KIF13B: variants seen among roughly 807,000 people sequenced by gnomAD.
KIF13B encodes the protein kinesin-like protein KIF13B.
In KIF13B, 127 loss-of-function variants were observed where a neutral mutation model predicts 222.0. The ratio of observed to expected loss-of-function variants is 0.57; its 90% CI spans 0.50 to 0.66. The LOEUF is 0.66. Among genes scored for constraint, KIF13B ranks in the 30% least tolerant of loss-of-function variants. The pLI, the probability that KIF13B is intolerant of heterozygous loss-of-function variation, is 0.00. For synonymous variants in KIF13B, 976 were observed against 919.0 expected (o/e 1.06, Z -1.12); for missense variants, 2,173 against 2,379.0 (o/e 0.91, Z 1.80).
At chr8:29,101,650 G>A (rs1256488524) in intron 35 of KIF13B, among the ~76,000 whole-genome samples, 2 of 152,158 alleles carry the variant, frequency 1.3e-5, no homozygotes, top group African/African-American at 2.4e-5. Flanking sequence ...GCCCTGCAGA[G>A]CGTGACAAAC....
Position 29,071,466 on chromosome 8 carries a change from C to A in KIF13B, c.5218+154G>T, listed in dbSNP as rs1807270296. 1.3e-5 allele frequency among the ~76,000 whole-genome samples: 2 copies of A among 152,274 alleles called. No homozygotes were observed. The highest frequency in any genetic ancestry group is 2.9e-5 in the Non-Finnish European group (2 of 68,016). ...GACTAGCCCTGCCCCCAGCCTCACC[C>A]CTGCAGGCCCAGCCGCTCCCGCAGC... On this transcript the variant is annotated intron_variant, in intron 39 of 39. Coordinates refer to ENST00000524189, the MANE Select transcript of KIF13B (RefSeq NM_015254.4). This position sits in a 1 kb window ranked among gnomAD's most constrained non-coding sequence, Gnocchi z 4.9.
At chr8:29,248,389 G>T (rs1171531601) in intron 1 of KIF13B, among the ~76,000 whole-genome samples, 2 of 152,158 alleles carry the variant, frequency 1.3e-5, no homozygotes, top group Non-Finnish European at 2.9e-5. Context: ...TTTTCACACT[G>T]CGATAAAGAT....
At position 29,228,472 on chromosome 8, in the gene KIF13B, A is replaced by AAAAAAATAT; in HGVS notation, c.149+16873_149+16874insATATTTTTT. On this transcript the variant is annotated intron_variant, in intron 2 of 39. Transcript: ENST00000524189. ...ACAGAGCCAGACTCCATCTTAAAAA[A>AAAAAAATAT]ATATATATATATATATATGAGATAC... is the stretch of plus-strand genomic sequence containing the variant. Among the ~76,000 whole-genome samples the AAAAAAATAT allele has an allele frequency of 1.3e-3, 154 of 117,086 alleles. 8 individuals carry two copies. Among genetic ancestry groups the AAAAAAATAT allele is most frequent in the African/African-American group, 4.3e-3 (132 of 30,730 alleles). 76.8% of individuals were successfully genotyped at this position (117,086 alleles called of 152,430 possible).
In KIF13B at chr8:29,071,500, A is replaced by G; in HGVS notation, c.5218+120T>C. On this transcript the variant is annotated intron_variant, in intron 39 of 39. Coordinates refer to ENST00000524189, the MANE Select transcript of KIF13B (RefSeq NM_015254.4). The surrounding 1 kb of genome is among the most constrained non-coding windows in gnomAD (Gnocchi z 4.9). Reference sequence around the variant, plus strand: ...CCAGCCGCTCCCGCAGCTTCAGCCAAGCCGCTGCCTCCCGGCCCCTCCCTC... The same window carrying G: ...CCAGCCGCTCCCGCAGCTTCAGCCAGGCCGCTGCCTCCCGGCCCCTCCCTC... 1.1e-6 allele frequency: 1 copy of G among 893,000 alleles called. No homozygotes were observed. Among genetic ancestry groups the G allele is most frequent in the Non-Finnish European group, 1.7e-6 (1 of 582,768 alleles). The allele number at this position is 893,000 out of a possible 1,614,324, so 55.3% of individuals were successfully genotyped here.
At chr8:29,166,862 A>G (rs1812023906) in intron 11 of KIF13B, among the ~76,000 whole-genome samples, 1 of 152,228 alleles carries the variant, frequency 6.6e-6, no homozygotes, top group Admixed American at 6.5e-5. Flanking sequence ...GCTGTAATAG[A>G]GTACCACTAA....
Position 29,147,503 on chromosome 8 carries a change from T to C in KIF13B, c.1913A>G (p.Glu638Gly). The C allele has an allele frequency of 6.2e-7, 1 of 1,613,734 alleles. No individual in the cohort carries two copies. Among genetic ancestry groups the C allele is most frequent in the Non-Finnish European group, 8.5e-7 (1 of 1,179,804 alleles). ...AGGAGACAGCCTTCTCCGGAGCTGC[T>C]CCAATTCGTGCTCATACATAAGCCT... ...RQRLMYEHEL[E>G]QLRRRLSPEK... The change falls in exon 17 of 40, where the codon GAG (glutamate) becomes GGG (glycine). Residue 638 changes from glutamate (E) to glycine (G), a missense_variant. By Grantham distance (98) the Glu-to-Gly change is moderately conservative. This residue lies in a region of KIF13B where 1,480 missense variants were observed against 1,722.8 expected (regional missense o/e 0.86). Coordinates refer to ENST00000524189, the MANE Select transcript of KIF13B (RefSeq NM_015254.4).
rs28561599 is a variant in KIF13B at position 29,257,461 on chromosome 8, T to A, written c.55+5519A>T. 8.0e-3 allele frequency among the ~76,000 whole-genome samples: 1,215 copies of A among 152,338 alleles called. 12 individuals carry two copies. The highest frequency in any genetic ancestry group is 0.028 in the African/African-American group (1,149 of 41,566). ...AATCCATCTCCTTAATTAATAGTTTTGTCAGTGGTTTCTTCCATTTTCAGC... is the reference window on the plus strand; with the variant it reads ...AATCCATCTCCTTAATTAATAGTTTAGTCAGTGGTTTCTTCCATTTTCAGC... On this transcript the variant is annotated intron_variant, in intron 1 of 39. Coordinates refer to ENST00000524189, the MANE Select transcript of KIF13B (RefSeq NM_015254.4).
intron 21 of KIF13B, among the ~76,000 whole-genome samples, chr8:29,138,815 A>G (rs1245880413): frequency 6.6e-6 from 1 of 152,248 alleles, no homozygotes; most frequent in African/African-American, 2.4e-5. Flanking sequence ...AGCGAGTGAG[A>G]GAGCACGAGC....
At chr8:29,189,956 G>A (rs751368834) in intron 4 of KIF13B, 2 of 152,244 alleles carry the variant, frequency 1.3e-5, no homozygotes, top group Non-Finnish European at 2.9e-5. Context: ...ACACGGGAGG[G>A]TGTTGTCTGT....
At chr8:29,124,191 A>G (rs1250754515) in intron 26 of KIF13B, 68 bp from the exon 27 acceptor site, 1 of 929,780 alleles carries the variant, frequency 1.1e-6, no homozygotes, top group Non-Finnish European at 1.7e-6. Flanking sequence ...CTGATGCTCT[A>G]TCTTACCTTG....
intron 18 of KIF13B, among the ~76,000 whole-genome samples, chr8:29,144,593 T>C (rs535656534): frequency 6.6e-6 from 1 of 152,240 alleles, no homozygotes; most frequent in Non-Finnish European, 1.5e-5. Context: ...TCCTACCTTA[T>C]ATTCAGCCAG....
chr8:29,199,542 G>C (rs1330237373), intron 2 of KIF13B, among the ~76,000 whole-genome samples: 2 of 135,014 alleles, frequency 1.5e-5, no homozygotes, highest in Non-Finnish European at 3.1e-5. Flanking sequence ...CAAAGGAAAT[G>C]CTCATTGCCC....
chr8:29,263,273 T>A, upstream of KIF13B: 1 of 535,292 alleles, frequency 1.9e-6, no homozygotes, highest in East Asian at 3.4e-5. Flanking sequence ...GCGAGTCGTT[T>A]GCTACAACTT....
At chr8:29,133,414 C>A (rs542305081) in intron 22 of KIF13B, among the ~76,000 whole-genome samples, 1 of 152,272 alleles carries the variant, frequency 6.6e-6, no homozygotes, top group South Asian at 2.1e-4. Context: ...CACGGTGAAA[C>A]CTTGTCTCTA....
At chr8:29,195,281 T>C (rs892772034) in intron 3 of KIF13B, among the ~76,000 whole-genome samples, 10 of 151,914 alleles carry the variant, frequency 6.6e-5, no homozygotes, top group Non-Finnish European at 1.2e-4. Context: ...ACGAAAATAA[T>C]CCAGCACCTT....
intron 33 of KIF13B, 91 bp downstream of exon 33, chr8:29,109,827 G>A: frequency 8.0e-7 from 1 of 1,247,898 alleles, no homozygotes; most frequent in Non-Finnish European, 1.1e-6. Flanking sequence ...TCAAATGTTA[G>A]GTGCAACAAC....
At position 29,245,444 on chromosome 8, in the gene KIF13B, G is replaced by T; in HGVS notation, c.56-5C>A. The T allele has an allele frequency of 6.4e-7, 1 of 1,559,074 alleles. No homozygotes were observed. The highest frequency in any genetic ancestry group is 8.7e-7 in the Non-Finnish European group (1 of 1,152,142). ...ATTTGGTATGCAAGTCAGTCTCTGT[G>T]GATAAAAAAACAAGAAAAACAGTCA... On this transcript the variant is annotated splice_polypyrimidine_tract_variant and splice_region_variant and intron_variant, in intron 1 of 39. Coordinates refer to ENST00000524189, the MANE Select transcript of KIF13B (RefSeq NM_015254.4).
Position 29,072,189 on chromosome 8 carries a change from G to A in KIF13B, c.4649C>T (p.Ala1550Val). 2 of 1,445,558 alleles carry A rather than the reference G, an allele frequency of 1.4e-6. No homozygotes were observed. Among genetic ancestry groups the A allele is most frequent in the Non-Finnish European group, 9.1e-7 (1 of 1,100,292 alleles). 89.5% of individuals were successfully genotyped at this position (1,445,558 alleles called of 1,614,324 possible). Residue 1550 changes from alanine to valine, a missense_variant, in exon 39 of 40, where the codon GCT (alanine) becomes GTT (valine). Transcript: ENST00000524189. ...GGGGGGCCCGTCCTGTGCCTCCGGAGCCGGGGTGACCGCTGTGACAGCTAT... is the reference window on the plus strand; with the variant it reads ...GGGGGGCCCGTCCTGTGCCTCCGGAACCGGGGTGACCGCTGTGACAGCTAT... Reference protein sequence around the residue: ...PVIAVTAVTPAPEAQDGPPSP... With the variant: ...PVIAVTAVTPVPEAQDGPPSP...
chr8:29,152,121 A>C (rs1164066889), intron 14 of KIF13B, among the ~76,000 whole-genome samples: 2 of 152,186 alleles, frequency 1.3e-5, no homozygotes, highest in Non-Finnish European at 2.9e-5. Context: ...AAGAGACATG[A>C]ATAAGAAGTG....
Sources: gnomAD v4.1 joint callset for allele counts (sites outside exome capture counted in the v4.1 genomes callset) on GRCh38, gnomAD v4.1.1 for gene constraint, gnomAD v4.1.1 regional missense constraint, Gnocchi (gnomAD v3.1) non-coding constraint, MANE v1.5 for transcripts, NCBI Gene and HGNC (gene_info 2026-07-23, HGNC 2026-07-21) for gene names.